KIRREL3: variants seen among roughly 807,000 people sequenced by gnomAD.
KIRREL3 encodes kin of IRRE-like protein 3.
In KIRREL3, 36 loss-of-function variants were observed where a neutral mutation model predicts 89.7. The ratio of observed to expected loss-of-function variants is 0.40; its 90% CI spans 0.31 to 0.53. KIRREL3 has a LOEUF of 0.53. KIRREL3 is among the 20% of genes least tolerant of loss of function. The pLI is 0.49. For missense variants in KIRREL3, 864 were observed against 1,056.6 expected (o/e 0.82, Z 2.53); for synonymous variants, 445 against 441.4 (o/e 1.01, Z -0.10).
intron 1 of KIRREL3, among the ~76,000 whole-genome samples, chr11:126,757,758 G>C (rs999530335): frequency 3.9e-5 from 6 of 151,992 alleles, no homozygotes; most frequent in Non-Finnish European, 7.4e-5. Context: ...AGAGTCTACT[G>C]TTCTTTTAAA....
intron 1 of KIRREL3, among the ~76,000 whole-genome samples, chr11:126,725,932 G>A (rs763243054): frequency 2.6e-5 from 4 of 152,232 alleles, no homozygotes; most frequent in Non-Finnish European, 5.9e-5. Context: ...AGTTTCTCTG[G>A]TGATGTAAGT....
chr11:126,966,145 G>A (rs2135197223), intron 1 of KIRREL3, among the ~76,000 whole-genome samples: 1 of 152,218 alleles, frequency 6.6e-6, no homozygotes, highest in African/African-American at 2.4e-5. Context: ...ATAGGATTTT[G>A]GAATTGTAGC....
intron 1 of KIRREL3, among the ~76,000 whole-genome samples, chr11:126,659,897 G>A (rs1209751620): frequency 2.0e-5 from 3 of 152,190 alleles, no homozygotes; most frequent in East Asian, 1.9e-4. Flanking sequence ...AAGGCAACTC[G>A]AAAACTTGCA....
At position 126,604,370 on chromosome 11, in the gene KIRREL3, T is replaced by C. The variant is rs1409729073; in HGVS notation, c.56-41458A>G. 2.6e-5 allele frequency among the ~76,000 whole-genome samples: 4 copies of C among 152,248 alleles called. No homozygotes were observed. In the South Asian group the frequency reaches 6.2e-4, roughly 24 times the overall value. On this transcript the variant is annotated intron_variant, in intron 1 of 16. Coordinates refer to ENST00000525144, the MANE Select transcript of KIRREL3 (RefSeq NM_032531.4). ...ACATACTGGCTGCATTGCATTTTTG[T>C]CTAGCATTCTTTAATAAGAACAGTA...
rs10699844 is a variant in KIRREL3 at position 126,755,878 on chromosome 11, C to CAGAGAGAGAGAG, written c.56-192978_56-192967dup. 4.7e-5 allele frequency among the ~76,000 whole-genome samples: 7 copies of CAGAGAGAGAGAG among 148,832 alleles called. No individual in the cohort carries two copies. Among genetic ancestry groups the CAGAGAGAGAGAG allele is most frequent in the African/African-American group, 1.5e-4 (6 of 40,464 alleles). Reference sequence around the variant, plus strand: ...GAGGGAGAGAGGGAGAGAGAAAAAACAGAGAGAGAGAGAGAGAGAGAAGAC... The same window carrying CAGAGAGAGAGAG: ...GAGGGAGAGAGGGAGAGAGAAAAAACAGAGAGAGAGAGAGAGAGAGAGAGAGAGAGAGAAGAC... On this transcript the variant is annotated intron_variant, in intron 1 of 16. Transcript: ENST00000525144. The surrounding 1 kb of genome is among the most constrained non-coding windows in gnomAD (Gnocchi z 4.3).
At chr11:126,932,177 C>T (rs533872364) in intron 1 of KIRREL3, among the ~76,000 whole-genome samples, 5 of 152,270 alleles carry the variant, frequency 3.3e-5, no homozygotes, top group Non-Finnish European at 5.9e-5. Context: ...AACAGCCTCT[C>T]GCCTGTTTGT....
Position 126,750,502 on chromosome 11 carries a change from T to TATC in KIRREL3, c.56-187593_56-187591dup, listed in dbSNP as rs1199677377. Among the ~76,000 whole-genome samples, 3 of 152,308 alleles carry TATC rather than the reference T, an allele frequency of 2.0e-5. No individual in the cohort carries two copies. The highest frequency in any genetic ancestry group is 2.4e-5 in the African/African-American group (1 of 41,562). On this transcript the variant is annotated intron_variant, in intron 1 of 16. Coordinates refer to ENST00000525144, the MANE Select transcript of KIRREL3 (RefSeq NM_032531.4). This position sits in a 1 kb window ranked among gnomAD's most constrained non-coding sequence, Gnocchi z 4.2. ...GAGACTTAAGAATGTAGTATGAACT[T>TATC]ATCAGTGAATGTAGCAGCTAGGCTT... is the stretch of plus-strand genomic sequence containing the variant.
At chr11:126,833,708 G>A (rs1056545168) in intron 1 of KIRREL3, among the ~76,000 whole-genome samples, 11 of 152,224 alleles carry the variant, frequency 7.2e-5, no homozygotes, top group African/African-American at 2.7e-4. Context: ...CAGACAGGCT[G>A]CAGACACACA....
Position 126,752,335 on chromosome 11 carries a change from G to A in KIRREL3, c.56-189423C>T, listed in dbSNP as rs1188651755. On this transcript the variant is annotated intron_variant, in intron 1 of 16. Coordinates refer to ENST00000525144, the MANE Select transcript of KIRREL3 (RefSeq NM_032531.4). The surrounding 1 kb of genome is among the most constrained non-coding windows in gnomAD (Gnocchi z 4.8). The stretch of plus-strand genomic sequence containing the variant: ...TGGATTTTGCAGATTCCTTTCCTGA[G>A]AGTTGAAATGATGGCTTTAAAAAAT... Among the ~76,000 whole-genome samples the A allele has an allele frequency of 1.3e-5, 2 of 152,038 alleles. No individual in the cohort carries two copies. Among genetic ancestry groups the A allele is most frequent in the African/African-American group, 4.8e-5 (2 of 41,350 alleles).
chr11:126,549,010 G>A (rs1939043101), intron 2 of KIRREL3, among the ~76,000 whole-genome samples: 1 of 152,166 alleles, frequency 6.6e-6, no homozygotes, highest in South Asian at 2.1e-4. Flanking sequence ...CTGAGAACAG[G>A]TTAGTGTTGT....
intron 1 of KIRREL3, among the ~76,000 whole-genome samples, chr11:126,634,832 C>T (rs1321448686): frequency 6.6e-6 from 1 of 152,198 alleles, no homozygotes; most frequent in Non-Finnish European, 1.5e-5. Flanking sequence ...TCTGCGCCCT[C>T]TCGGAGGCCC....
At position 126,870,546 on chromosome 11, in the gene KIRREL3, G is replaced by A. The variant is rs538240879; in HGVS notation, c.55+129909C>T. The stretch of plus-strand genomic sequence containing the variant: ...TCAGTAGAATGCAGCTTCCTGGCCC[G>A]GCTCCCATAGTGGCCCCTCCTGGCT... On this transcript the variant is annotated intron_variant, in intron 1 of 16. Transcript: ENST00000525144. The surrounding 1 kb of genome is among the most constrained non-coding windows in gnomAD (Gnocchi z 4.4). 1.3e-5 allele frequency among the ~76,000 whole-genome samples: 2 copies of A among 152,332 alleles called. No individual in the cohort carries two copies. The highest frequency in any genetic ancestry group is 6.5e-5 in the Admixed American group (1 of 15,304).
At chr11:126,956,218 C>CCGTGCAT (rs1393556487) in intron 1 of KIRREL3, among the ~76,000 whole-genome samples, 1 of 152,206 alleles carries the variant, frequency 6.6e-6, no homozygotes, top group Admixed American at 6.5e-5. Context: ...AGGCATCGAG[C>CCGTGCAT]CGTGCATGGG....
At chr11:126,774,604 G>A (rs888215251) in intron 1 of KIRREL3, among the ~76,000 whole-genome samples, 2 of 152,136 alleles carry the variant, frequency 1.3e-5, no homozygotes, top group Admixed American at 6.5e-5. Flanking sequence ...TGGCCTGCAC[G>A]CTCTGCACCC....
intron 2 of KIRREL3, among the ~76,000 whole-genome samples, chr11:126,529,859 G>GT (rs60236598): frequency 0.055 from 7,720 of 140,840 alleles, 566 homozygotes; most frequent in African/African-American, 0.17. Context: ...AAACCAATGA[G>GT]TTTTTTTTTT....
At chr11:126,841,454 T>C (rs1206119829) in intron 1 of KIRREL3, among the ~76,000 whole-genome samples, 1 of 152,010 alleles carries the variant, frequency 6.6e-6, no homozygotes, top group African/African-American at 2.4e-5. Flanking sequence ...AATAAATCCC[T>C]CCTAAAAAAA....
Position 126,975,247 on chromosome 11 carries a change from T to C in KIRREL3, c.55+25208A>G, listed in dbSNP as rs145660008. Among the ~76,000 whole-genome samples, 112 of 152,338 alleles carry C rather than the reference T, an allele frequency of 7.4e-4. 1 individual carries two copies. The highest frequency in any genetic ancestry group is 3.4e-3 in the Middle Eastern group (1 of 294). On this transcript the variant is annotated intron_variant, in intron 1 of 16. Transcript: ENST00000525144. ...GTGAAAATCCTGGAGGTCACCTTAG[T>C]TGAGGCTTTCTTCCAATTCAGCAAA...
chr11:126,548,287 C>T (rs1023373725), intron 2 of KIRREL3, among the ~76,000 whole-genome samples: 1 of 152,204 alleles, frequency 6.6e-6, no homozygotes, highest in Non-Finnish European at 1.5e-5. Context: ...CAGGCCCGAC[C>T]ATCCCGCGTC....
Position 126,537,833 on chromosome 11 carries a change from C to T in KIRREL3, c.134-11146G>A, listed in dbSNP as rs1054309805. ...GGTCATTCTTACTTTCGTCACTATC[C>T]ACAAGTCTTTCCTGAGCTTGGGACT... On this transcript the variant is annotated intron_variant, in intron 2 of 16. Transcript: ENST00000525144. The surrounding 1 kb of genome is among the most constrained non-coding windows in gnomAD (Gnocchi z 4.3). Among the ~76,000 whole-genome samples the T allele has an allele frequency of 6.6e-6, 1 of 152,254 alleles. No homozygotes were observed. The highest frequency in any genetic ancestry group is 1.5e-5 in the Non-Finnish European group (1 of 68,044).
Sources: allele counts gnomAD v4.1 joint callset (sites outside exome capture counted in the v4.1 genomes callset), GRCh38; gene constraint gnomAD v4.1.1; non-coding constraint Gnocchi (gnomAD v3.1); transcripts MANE v1.5; gene names NCBI Gene and HGNC (gene_info 2026-07-23, HGNC 2026-07-21).